ZRANB3: variants seen among roughly 807,000 people sequenced by gnomAD.
The protein encoded by ZRANB3 is DNA annealing helicase and endonuclease ZRANB3.
A neutral mutation model predicts 133.8 loss-of-function variants in ZRANB3; 125 were observed. The observed-to-expected ratio is 0.93, with a 90% CI of 0.81 to 1.08. The LOEUF (loss-of-function observed/expected upper bound fraction) is 1.08. ZRANB3 is among the 50% of genes least tolerant of loss of function. The pLI, the probability that ZRANB3 is intolerant of heterozygous loss-of-function variation, is 0.00. For synonymous variants in ZRANB3, 387 were observed against 432.7 expected, an observed-to-expected ratio of 0.89 and a Z score of 1.31; for missense variants, 1,229 against 1,275.5, an observed-to-expected ratio of 0.96 and a Z score of 0.56.
intron 16 of ZRANB3, among the ~76,000 whole-genome samples, chr2:135,218,470 A>G (rs1474458145): frequency 6.6e-6 from 1 of 152,112 alleles, no homozygotes; most frequent in East Asian, 1.9e-4. Context: ...CATTTAAAAC[A>G]GGTATAGTTG....
chr2:135,490,989 G>T (rs964403428), intron 2 of ZRANB3, among the ~76,000 whole-genome samples: 2 of 152,138 alleles, frequency 1.3e-5, no homozygotes, highest in South Asian at 4.1e-4. Context: ...GTTGGGAAGG[G>T]TAGTGGGGAG....
At chr2:135,505,337 A>T (rs1693127055) in intron 1 of ZRANB3, among the ~76,000 whole-genome samples, 1 of 152,152 alleles carries the variant, frequency 6.6e-6, no homozygotes, top group Non-Finnish European at 1.5e-5. Context: ...GCACTCTGGG[A>T]GGCCGAGGTG....
At position 135,207,416 on chromosome 2, in the gene ZRANB3, C is replaced by A. The variant is rs748269966; in HGVS notation, c.3009+18G>T. The A allele has an allele frequency of 6.3e-7, 1 of 1,579,852 alleles. No individual in the cohort carries two copies. Among genetic ancestry groups the A allele is most frequent in the Non-Finnish European group, 8.6e-7 (1 of 1,163,010 alleles). ...CAGTACAATGCTGCCTTCTATCTAT[C>A]ACATGATTATAACTTACCTGTTCTA... On this transcript the variant is annotated intron_variant, in intron 19 of 20. Coordinates refer to ENST00000264159, the MANE Select transcript of ZRANB3 (RefSeq NM_032143.4).
At position 135,315,397 on chromosome 2, in the gene ZRANB3, G is replaced by A; in HGVS notation, c.811C>T (p.Gln271Ter). Residue 271 changes from glutamine (Q) to a stop codon, truncating the protein, a stop_gained, in exon 7 of 21, where the codon CAG becomes TAG. Coordinates refer to ENST00000264159, the MANE Select transcript of ZRANB3 (RefSeq NM_032143.4). LOFTEE classifies it high-confidence loss of function. Reference protein sequence around the residue: ...VLTQLPPKVRQRIPFDLPSAA... With the variant: ...VLTQLPPKVR Reference sequence around the variant, plus strand: ...GATGGAAGATCAAATGGAATACGCTGTCTGACTTTAGGGGGTAGCTGGGTT... The same window carrying A: ...GATGGAAGATCAAATGGAATACGCTATCTGACTTTAGGGGGTAGCTGGGTT... 1 of 1,602,334 alleles carries A rather than the reference G, an allele frequency of 6.2e-7. No homozygotes were observed. Among genetic ancestry groups the A allele is most frequent in the South Asian group, 1.1e-5 (1 of 88,178 alleles).
At chr2:135,512,725 TTAAAA>T (rs1272269420) in intron 1 of ZRANB3, among the ~76,000 whole-genome samples, 2 of 151,636 alleles carry the variant, frequency 1.3e-5, no homozygotes, top group African/African-American at 4.8e-5. Context: ...AAAAAAATTA[TTAAAA>T]TAAAGAAAAG....
At chr2:135,314,144 G>C (rs181680431) in intron 7 of ZRANB3, among the ~76,000 whole-genome samples, 1 of 152,120 alleles carries the variant, frequency 6.6e-6, no homozygotes, top group Admixed American at 6.5e-5. Context: ...GACTACAGGC[G>C]TGAGCCACCG....
chr2:135,256,361 C>T (rs1370264992), intron 12 of ZRANB3, among the ~76,000 whole-genome samples: 2 of 152,194 alleles, frequency 1.3e-5, no homozygotes, highest in Non-Finnish European at 2.9e-5. Context: ...CAGAGTCTCA[C>T]TCTGTTGCCC....
intron 2 of ZRANB3, among the ~76,000 whole-genome samples, chr2:135,396,435 G>C (rs2104932956): frequency 6.6e-6 from 1 of 152,254 alleles, no homozygotes; most frequent in South Asian, 2.1e-4. Flanking sequence ...CAGATGAAGA[G>C]ATAAAGAAAA....
chr2:135,468,351 C>T (rs1027457609), intron 2 of ZRANB3, among the ~76,000 whole-genome samples: 30 of 152,118 alleles, frequency 2.0e-4, no homozygotes, highest in African/African-American at 7.0e-4. Flanking sequence ...TTAGTAAATG[C>T]ATATTTGTCC....
chr2:135,275,884 A>G, intron 8 of ZRANB3, 129 bp from the exon 9 acceptor site: 1 of 658,230 alleles, frequency 1.5e-6, no homozygotes, highest in Non-Finnish European at 2.2e-6. Context: ...ATTGTTCTCT[A>G]GGTAGCCTAA....
At chr2:135,502,999 G>C (rs879548252) in intron 2 of ZRANB3, among the ~76,000 whole-genome samples, 9 of 152,094 alleles carry the variant, frequency 5.9e-5, no homozygotes, top group Non-Finnish European at 1.2e-4. Context: ...ACATATTACT[G>C]GATTCCATTT....
intron 2 of ZRANB3, among the ~76,000 whole-genome samples, chr2:135,459,567 AT>A (rs986051557): frequency 6.6e-6 from 1 of 152,188 alleles, no homozygotes; most frequent in East Asian, 1.9e-4. Flanking sequence ...ACTGTCTTTG[AT>A]TTTTTTAAAG....
chr2:135,405,647 G>T (rs556728409), intron 2 of ZRANB3, among the ~76,000 whole-genome samples: 1 of 152,148 alleles, frequency 6.6e-6, no homozygotes, highest in Non-Finnish European at 1.5e-5. Flanking sequence ...AATCAAACTA[G>T]AACTCAGGAT....
At chr2:135,502,870 T>A (rs1693008920) in intron 2 of ZRANB3, among the ~76,000 whole-genome samples, 1 of 152,164 alleles carries the variant, frequency 6.6e-6, no homozygotes, top group Non-Finnish European at 1.5e-5. Context: ...ACCAGATATA[T>A]AACCTTAAGT....
chr2:135,355,282 C>T (rs2104879220), intron 3 of ZRANB3: 3 of 985,242 alleles, frequency 3.0e-6, no homozygotes, highest in South Asian at 9.4e-5. Context: ...CCAATTTTCA[C>T]ACCCGAAGCC....
intron 8 of ZRANB3, among the ~76,000 whole-genome samples, chr2:135,303,457 C>T (rs1420317567): frequency 6.6e-6 from 1 of 151,954 alleles, no homozygotes; most frequent in Non-Finnish European, 1.5e-5. Flanking sequence ...GTCTTAGTAC[C>T]CGTTACTGAA....
chr2:135,499,599 G>C (rs751889744), intron 2 of ZRANB3, among the ~76,000 whole-genome samples: 1 of 152,030 alleles, frequency 6.6e-6, no homozygotes, highest in Non-Finnish European at 1.5e-5. Context: ...CGTATGACAA[G>C]GTATTAAATT....
intron 2 of ZRANB3, among the ~76,000 whole-genome samples, chr2:135,395,612 G>A (rs1687455046): frequency 6.6e-6 from 1 of 151,696 alleles, no homozygotes; most frequent in African/African-American, 2.4e-5. Context: ...CGCACACCAC[G>A]ACGCCCGGCT....
At chr2:135,464,983 C>T (rs1490765792) in intron 2 of ZRANB3, among the ~76,000 whole-genome samples, 1 of 152,102 alleles carries the variant, frequency 6.6e-6, no homozygotes, top group Non-Finnish European at 1.5e-5. Context: ...GGAGGGCATG[C>T]TATCACCAAG....
Sources: gnomAD v4.1 joint callset for allele counts (sites outside exome capture counted in the v4.1 genomes callset) on GRCh38, gnomAD v4.1.1 for gene constraint, MANE v1.5 for transcripts, NCBI Gene and HGNC (gene_info 2026-07-23, HGNC 2026-07-21) for gene names.